Variants in ZNF551 observed in about 807,000 individuals in gnomAD.
The protein encoded by ZNF551 is KOX 23 protein (56 AA).
A neutral mutation model predicts 7.9 loss-of-function variants in ZNF551; 5 were observed. The observed-to-expected ratio is 0.63, with a 90% CI of 0.33 to 1.33. ZNF551 has a LOEUF of 1.33. Among genes scored for constraint, ZNF551 ranks in the 40% most tolerant of loss-of-function variants. ZNF551 has a pLI of 0.05. For synonymous variants in ZNF551, 287 were observed against 277.3 expected, an observed-to-expected ratio of 1.03 and a Z score of -0.35; for missense variants, 788 against 825.2, an observed-to-expected ratio of 0.95 and a Z score of 0.55.
In ZNF551 at chr19:57,686,534, A is replaced by G. The variant is rs539488806; in HGVS notation, c.259A>G (p.Ile87Val). 6 of 1,614,202 alleles carry G rather than the reference A, an allele frequency of 3.7e-6. No homozygotes were observed. The highest frequency in any genetic ancestry group is 4.2e-6 in the Non-Finnish European group (5 of 1,180,048). The change falls in exon 3 of 3, where the codon ATA becomes GTA. Residue 87 changes from isoleucine (I) to valine (V), a missense_variant. Transcript: ENST00000282296. The stretch of plus-strand genomic sequence containing the variant: ...GATAGCTTCTGAGCAGAGTGTATCT[A>G]TACAGGTCAGGACTTCTAAGGGCAA... ...EAIASEQSVS[I>V]QVRTSKGNTP...
At chr19:57,684,220 G>A (rs1176081943) in intron 1 of ZNF551, among the ~76,000 whole-genome samples, 4 of 152,192 alleles carry the variant, frequency 2.6e-5, no homozygotes, top group Non-Finnish European at 5.9e-5. Context: ...ATCTGGGATA[G>A]TACTGAACCG....
At position 57,686,855 on chromosome 19, in the gene ZNF551, C is replaced by G. The variant is rs756885710; in HGVS notation, c.580C>G (p.Leu194Val). 2 of 1,614,190 alleles carry G rather than the reference C, an allele frequency of 1.2e-6. No individual in the cohort carries two copies. Among genetic ancestry groups the G allele is most frequent in the African/African-American group, 2.7e-5 (2 of 75,044 alleles). ...GGCCTTCCCAGCCCCCACGGACCTACTCCAACACGAAGCCACTCCCAGTGG... is the reference window on the plus strand; with the variant it reads ...GGCCTTCCCAGCCCCCACGGACCTAGTCCAACACGAAGCCACTCCCAGTGG... ...GEAFPAPTDLLQHEATPSGEE... is the reference protein window; with the variant it reads ...GEAFPAPTDLVQHEATPSGEE... Residue 194 changes from leucine (L) to valine (V), a missense_variant, in exon 3 of 3, where the codon CTC (leucine) becomes GTC (valine). By Grantham distance (32) the Leu-to-Val change is conservative (BLOSUM62 1). Transcript: ENST00000282296.
In ZNF551 at chr19:57,683,649, A is replaced by G. The variant is rs574874505; in HGVS notation, c.81+1405A>G. On this transcript the variant is annotated intron_variant, in intron 1 of 2. Coordinates refer to ENST00000282296, the MANE Select transcript of ZNF551 (RefSeq NM_138347.5). Reference sequence around the variant, plus strand: ...GCTCACAATGATAATAATAGTTGTCAAGGAAGGGGAGGGGAAGGTCAAGGA... The same window carrying G: ...GCTCACAATGATAATAATAGTTGTCGAGGAAGGGGAGGGGAAGGTCAAGGA... 3.3e-5 allele frequency among the ~76,000 whole-genome samples: 5 copies of G among 152,224 alleles called. 1 individual carries two copies. In the Middle Eastern group the frequency reaches 0.01, roughly 311 times the overall value.
chr19:57,683,358 G>T (rs1008413872), intron 1 of ZNF551, among the ~76,000 whole-genome samples: 3 of 152,220 alleles, frequency 2.0e-5, no homozygotes, highest in Non-Finnish European at 4.4e-5. Context: ...TGACTGAAAG[G>T]TTTTATTTTG....
At position 57,686,896 on chromosome 19, in the gene ZNF551, T is replaced by C. The variant is rs1373661450; in HGVS notation, c.621T>C (p.Ser207=). The change falls in exon 3 of 3, where the codon AGT becomes AGC. Residue 207 remains serine, a synonymous_variant. Coordinates refer to ENST00000282296, the MANE Select transcript of ZNF551 (RefSeq NM_138347.5). ...EATPSGEEPH[S]SSSKHIQAFF... ...CTCCCAGTGGTGAGGAGCCACACAG[T>C]AGCAGCAGCAAGCATATACAGGCAT... is the stretch of plus-strand genomic sequence containing the variant. 1.2e-6 allele frequency: 2 copies of C among 1,614,178 alleles called. No individual in the cohort carries two copies. Among genetic ancestry groups the C allele is most frequent in the South Asian group, 2.2e-5 (2 of 91,084 alleles).
Position 57,687,913 on chromosome 19 carries a change from C to T in ZNF551, c.1638C>T (p.Leu546=), listed in dbSNP as rs1275013720. ...AATCTTTTAGACAGCGCTCTGGCCT[C>T]ATTCAGCACCGGAGACTTCATACTG... ...CGKSFRQRSG[L]IQHRRLHTGE... is the part of the protein sequence containing the mutation. The change falls in exon 3 of 3, where the codon CTC becomes CTT. Residue 546 remains leucine, a synonymous_variant. Transcript: ENST00000282296. The T allele has an allele frequency of 6.2e-7, 1 of 1,614,176 alleles. No individual in the cohort carries two copies. The highest frequency in any genetic ancestry group is 1.1e-5 in the South Asian group (1 of 91,074).
chr19:57,686,845 C>T lies in ZNF551; in HGVS notation c.570C>T (p.Pro190=), dbSNP rs1012343920. 4 of 1,614,044 alleles carry T rather than the reference C, an allele frequency of 2.5e-6. No individual in the cohort carries two copies. The highest frequency in any genetic ancestry group is 2.7e-5 in the African/African-American group (2 of 74,928). ...YFTCGEAFPA[P]TDLLQHEATP... ...CCTGTGGGGAGGCCTTCCCAGCCCC[C>T]ACGGACCTACTCCAACACGAAGCCA... Residue 190 remains proline, a synonymous_variant, in exon 3 of 3, where the codon CCC becomes CCT. Transcript: ENST00000282296.
intron 1 of ZNF551, among the ~76,000 whole-genome samples, chr19:57,683,070 G>A (rs1170687861): frequency 6.6e-6 from 1 of 152,162 alleles, no homozygotes; most frequent in Non-Finnish European, 1.5e-5. Flanking sequence ...TTGTCTATTC[G>A]TTACTTAATA....
chr19:57,687,722 T>A lies in ZNF551; in HGVS notation c.1447T>A (p.Ser483Thr), dbSNP rs1200642763. 6.2e-7 allele frequency: 1 copy of A among 1,613,840 alleles called. No homozygotes were observed. The highest frequency in any genetic ancestry group is 8.5e-7 in the Non-Finnish European group (1 of 1,179,992). ...RPYECSECEK[S>T]FSRKFILIQH... is the part of the protein sequence containing the mutation. Reference sequence around the variant, plus strand: ...TTATGAGTGCAGTGAATGTGAGAAATCCTTTAGCCGCAAATTTATCCTGAT... The same window carrying A: ...TTATGAGTGCAGTGAATGTGAGAAAACCTTTAGCCGCAAATTTATCCTGAT... Residue 483 changes from serine (S) to threonine (T), a missense_variant, in exon 3 of 3, where the codon TCC (serine) becomes ACC (threonine). Ser to Thr is a moderately conservative substitution (Grantham distance 58, BLOSUM62 1). Coordinates refer to ENST00000282296, the MANE Select transcript of ZNF551 (RefSeq NM_138347.5).
At chr19:57,686,226 C>T (rs1984548501) in intron 2 of ZNF551, among the ~76,000 whole-genome samples, 2 of 152,212 alleles carry the variant, frequency 1.3e-5, no homozygotes, top group African/African-American at 4.8e-5. Flanking sequence ...CTGCTGAGGG[C>T]TTTGGCAGAG....
At position 57,688,452 on chromosome 19, in the gene ZNF551, G is replaced by C; in HGVS notation, c.*164G>C. On this transcript the variant is annotated 3_prime_UTR_variant, in exon 3 of 3. Transcript: ENST00000282296. ...GGAGGTTCATTGTAATTTCTAATCT[G>C]CCGAGGCCTATAGCCTGATTTATGT... The C allele has an allele frequency of 1.0e-6, 1 of 984,916 alleles. No homozygotes were observed. The highest frequency in any genetic ancestry group is 1.5e-6 in the Non-Finnish European group (1 of 686,554). The allele number at this position is 984,916 out of a possible 1,614,324, so 61.0% of individuals were successfully genotyped here. A position where few individuals can be genotyped will look rare whatever the true frequency, so the allele number is the denominator to read the frequency against.
Position 57,687,874 on chromosome 19 carries a change from C to T in ZNF551, c.1599C>T (p.Cys533=). The T allele has an allele frequency of 6.2e-7, 1 of 1,614,082 alleles. No homozygotes were observed. Residue 533 remains cysteine, a synonymous_variant, in exon 3 of 3, where the codon TGC becomes TGT. Transcript: ENST00000282296. ...RIHTGTRPYE[C]SECGKSFRQR... ...ATACTGGCACAAGACCTTATGAGTG[C>T]AGTGAATGTGGCAAATCTTTTAGAC...
At position 57,684,433 on chromosome 19, in the gene ZNF551, A is replaced by G. The variant is rs573676453; in HGVS notation, c.82-829A>G. Reference sequence around the variant, plus strand: ...GGTGTTGAGGACACAAGGGTGAAGTATGAACCAAGACCCTTGGTTGTGTTT... The same window carrying G: ...GGTGTTGAGGACACAAGGGTGAAGTGTGAACCAAGACCCTTGGTTGTGTTT... On this transcript the variant is annotated intron_variant, in intron 1 of 2. Transcript: ENST00000282296. 2.3e-4 allele frequency among the ~76,000 whole-genome samples: 35 copies of G among 152,146 alleles called. 1 individual carries two copies. Among genetic ancestry groups the G allele is most frequent in the Admixed American group, 6.6e-4 (10 of 15,174 alleles).
In ZNF551 at chr19:57,685,325, T is replaced by C; in HGVS notation, c.145T>C (p.Ser49Pro). 1.9e-6 allele frequency: 3 copies of C among 1,614,016 alleles called. No homozygotes were observed. Among genetic ancestry groups the C allele is most frequent in the Non-Finnish European group, 2.5e-6 (3 of 1,179,960 alleles). The change falls in exon 2 of 3, where the codon TCT becomes CCT. Residue 49 changes from serine to proline, a missense_variant. Transcript: ENST00000282296. Reference sequence around the variant, plus strand: ...AGAAGAGTGGGAGCTCCTTGATGAGTCTCAGAGGTTCCTGTACTGCGATGT... The same window carrying C: ...AGAAGAGTGGGAGCTCCTTGATGAGCCTCAGAGGTTCCTGTACTGCGATGT... ...SQEEWELLDESQRFLYCDVML... is the reference protein window; with the variant it reads ...SQEEWELLDEPQRFLYCDVML...
rs757764031 is a variant in ZNF551 at position 57,687,365 on chromosome 19, GA to G, written c.1092del (p.Glu364AspfsTer127). On this transcript the variant is annotated frameshift_variant, in exon 3 of 3. Transcript: ENST00000282296. LOFTEE classifies it low-confidence loss of function (END_TRUNC). ...AGTTCACACTGGAGAAAGGCCTTATGAATGTGGCGAGTGCGGGAAATCCTTT... is the reference window on the plus strand; with the variant it reads ...AGTTCACACTGGAGAAAGGCCTTATGATGTGGCGAGTGCGGGAAATCCTTT... Reference protein sequence around the residue: ...QRVHTGERPYECGECGKSFRQ... With the variant: ...QRVHTGERPYXCGECGKSFRQ... 3.1e-6 allele frequency: 5 copies of G among 1,614,130 alleles called. No individual in the cohort carries two copies. In the Admixed American group the frequency reaches 8.3e-5, roughly 27 times the overall value.
rs758843554 is a variant in ZNF551 at position 57,686,835 on chromosome 19, T to TC, written c.563dup (p.Ala189SerfsTer15). 6.2e-7 allele frequency: 1 copy of TC among 1,614,126 alleles called. No homozygotes were observed. The highest frequency in any genetic ancestry group is 1.1e-5 in the South Asian group (1 of 91,088). On this transcript the variant is annotated frameshift_variant, in exon 3 of 3. Coordinates refer to ENST00000282296, the MANE Select transcript of ZNF551 (RefSeq NM_138347.5). LOFTEE classifies it low-confidence loss of function (END_TRUNC). ...AATTATTTCACCTGTGGGGAGGCCT[T>TC]CCCAGCCCCCACGGACCTACTCCAA...
intron 1 of ZNF551, among the ~76,000 whole-genome samples, chr19:57,684,685 G>C (rs1235429394): frequency 6.6e-6 from 1 of 152,162 alleles, no homozygotes; most frequent in African/African-American, 2.4e-5. Flanking sequence ...GATAGATGCA[G>C]CAGGGATGAA....
At chr19:57,685,436 G>A (rs551783394) in intron 2 of ZNF551, 51 bp downstream of exon 2, 1 of 1,613,262 alleles carries the variant, frequency 6.2e-7, no homozygotes, top group South Asian at 1.1e-5. Flanking sequence ...TGACCCCAGA[G>A]TTACCTCTGT....
Position 57,690,595 on chromosome 19 carries a change from ATAT to A in ZNF551, c.*2312_*2314del, listed in dbSNP as rs1391223739. 2 of 152,138 alleles carry A rather than the reference ATAT, an allele frequency of 1.3e-5. No individual in the cohort carries two copies. The highest frequency in any genetic ancestry group is 6.5e-5 in the Admixed American group (1 of 15,278). The allele number at this position is 152,138 out of a possible 1,614,324, so 9.4% of individuals were successfully genotyped here. A position where few individuals can be genotyped will look rare whatever the true frequency, so the allele number is the denominator to read the frequency against. Reference sequence around the variant, plus strand: ...TTTATCCATGTGTTTAGGGACATTTATATTATTTATAGATTTTTGTATATTACA... The same window carrying A: ...TTTATCCATGTGTTTAGGGACATTTATATTTATAGATTTTTGTATATTACA... On this transcript the variant is annotated 3_prime_UTR_variant, in exon 3 of 3. Transcript: ENST00000282296.
Sources: gnomAD v4.1 joint callset for allele counts (sites outside exome capture counted in the v4.1 genomes callset) on GRCh38, gnomAD v4.1.1 for gene constraint, MANE v1.5 for transcripts, NCBI Gene and HGNC (gene_info 2026-07-23, HGNC 2026-07-21) for gene names.